Variants in AGPS observed in about 807,000 individuals in gnomAD.
AGPS encodes the protein alkyldihydroxyacetonephosphate synthase, peroxisomal.
A neutral mutation model predicts 90.7 loss-of-function variants in AGPS; 26 were observed. The observed-to-expected ratio is 0.29, with a 90% CI of 0.21 to 0.40. The LOEUF (loss-of-function observed/expected upper bound fraction) is 0.40. AGPS is among the 10% of genes least tolerant of loss of function. The pLI is 1.00. For synonymous variants in AGPS, 294 were observed against 285.3 expected, an observed-to-expected ratio of 1.03 and a Z score of -0.31; for missense variants, 540 against 816.1, an observed-to-expected ratio of 0.66 and a Z score of 4.12.
intron 1 of AGPS, among the ~76,000 whole-genome samples, chr2:177,409,892 T>C (rs1239484207): frequency 2.0e-5 from 3 of 152,354 alleles, no homozygotes; most frequent in Non-Finnish European, 4.4e-5. Context: ...CAGGGGATTA[T>C]TTCTTTGGCA....
chr2:177,508,479 A>C (rs75605222), intron 16 of AGPS, among the ~76,000 whole-genome samples: 2,391 of 152,292 alleles, frequency 0.016, 33 homozygotes, highest in Non-Finnish European at 0.02. Context: ...TTATAAAGGA[A>C]ATTTAGTTTA....
In AGPS at chr2:177,417,276, A is replaced by G. The variant is rs1309814098; in HGVS notation, c.261-2993A>G. 3.9e-5 allele frequency among the ~76,000 whole-genome samples: 6 copies of G among 152,226 alleles called. No individual in the cohort carries two copies. The East Asian group carries it at 1.2e-3, about 29-fold the overall frequency. ...CAAACTCTGTTTCATGCACAAAACC[A>G]TTAAAAATATTGTATAAAATTACCT... On this transcript the variant is annotated intron_variant, in intron 1 of 19. Transcript: ENST00000264167.
intron 16 of AGPS, among the ~76,000 whole-genome samples, chr2:177,511,605 A>G (rs570850449): frequency 8.5e-5 from 13 of 152,314 alleles, no homozygotes; most frequent in South Asian, 8.3e-4. Context: ...AGGTAATCCA[A>G]TGATGTAAAA....
At chr2:177,403,534 T>C (rs1422094058) in intron 1 of AGPS, among the ~76,000 whole-genome samples, 3 of 152,180 alleles carry the variant, frequency 2.0e-5, no homozygotes, top group African/African-American at 7.2e-5. Context: ...AGGAGCTGAA[T>C]GTCTGGCAGT....
At chr2:177,408,645 T>G (rs900828460) in intron 1 of AGPS, among the ~76,000 whole-genome samples, 7 of 152,244 alleles carry the variant, frequency 4.6e-5, no homozygotes, top group Non-Finnish European at 1.5e-5. Flanking sequence ...GCCCATTGTT[T>G]TCTTGCGGAA....
intron 2 of AGPS, among the ~76,000 whole-genome samples, chr2:177,424,559 C>T (rs929265623): frequency 5.3e-5 from 8 of 151,916 alleles, no homozygotes; most frequent in African/African-American, 1.9e-4. Flanking sequence ...AATCTTGAAA[C>T]AGAAAGCAAT....
At chr2:177,484,266 A>G (rs1312326768) in intron 11 of AGPS, among the ~76,000 whole-genome samples, 3 of 152,070 alleles carry the variant, frequency 2.0e-5, no homozygotes, top group Admixed American at 6.6e-5. Flanking sequence ...GGAAAATTCC[A>G]TCCCCTGCTT....
intron 19 of AGPS, among the ~76,000 whole-genome samples, chr2:177,529,532 T>C: frequency 6.6e-6 from 1 of 152,164 alleles, no homozygotes; most frequent in South Asian, 2.1e-4. Flanking sequence ...TAACATTTGG[T>C]AACTAGGCCT....
intron 19 of AGPS, among the ~76,000 whole-genome samples, chr2:177,527,707 C>G (rs568746372): frequency 1.3e-5 from 2 of 152,144 alleles, no homozygotes; most frequent in Admixed American, 1.3e-4. Flanking sequence ...TTTTCAGGTT[C>G]TAGGTTTATA....
intron 12 of AGPS, among the ~76,000 whole-genome samples, chr2:177,494,125 C>T (rs1688346576): frequency 6.6e-6 from 1 of 152,062 alleles, no homozygotes; most frequent in Non-Finnish European, 1.5e-5. Flanking sequence ...CAAAACAATT[C>T]CTAAAATCAT....
rs1166677623 is a variant in AGPS, at chr2:177,539,990, T to C, written c.*1795T>C. 1.1e-5 allele frequency: 1 copy of C among 87,532 alleles called. No homozygotes were observed. The highest frequency in any genetic ancestry group is 4.0e-5 in the African/African-American group (1 of 24,768). The allele number at this position is 87,532 out of a possible 1,614,324, so 5.4% of individuals were successfully genotyped here. A position where few individuals can be genotyped will look rare whatever the true frequency, so the allele number is the denominator to read the frequency against. On this transcript the variant is annotated 3_prime_UTR_variant, in exon 20 of 20. Coordinates refer to ENST00000264167, the MANE Select transcript of AGPS (RefSeq NM_003659.4). ...TCACGAAGGTAATTTCTTTAATTGGTGATCAAAATATAAAATTAAGGTACT... is the reference window on the plus strand; with the variant it reads ...TCACGAAGGTAATTTCTTTAATTGGCGATCAAAATATAAAATTAAGGTACT...
chr2:177,526,450 G>A (rs753209644), intron 19 of AGPS, among the ~76,000 whole-genome samples: 10 of 151,958 alleles, frequency 6.6e-5, no homozygotes, highest in East Asian at 5.8e-4. Flanking sequence ...GGCTGGTCTC[G>A]AACTCCTGAT....
At chr2:177,491,928 G>A (rs999989274) in intron 11 of AGPS, among the ~76,000 whole-genome samples, 12 of 151,930 alleles carry the variant, frequency 7.9e-5, no homozygotes, top group Admixed American at 6.6e-4. Context: ...TGGGATTATA[G>A]GTGTATACCA....
chr2:177,454,548 T>C (rs1027429642), intron 8 of AGPS, among the ~76,000 whole-genome samples: 1 of 151,428 alleles, frequency 6.6e-6, no homozygotes. Context: ...TGGGGTGTTT[T>C]CCCGCTTCTT....
intron 19 of AGPS, 38 bp from the exon 20 acceptor site, chr2:177,538,036 T>C (rs2079199363): frequency 1.2e-6 from 2 of 1,611,450 alleles, no homozygotes; most frequent in Non-Finnish European, 1.7e-6. Flanking sequence ...CCCAGTATCA[T>C]AGCATATATT....
chr2:177,432,865 C>G (rs1686284898), intron 2 of AGPS, among the ~76,000 whole-genome samples: 1 of 152,182 alleles, frequency 6.6e-6, no homozygotes, highest in Non-Finnish European at 1.5e-5. Flanking sequence ...CTGGTATGTG[C>G]TGAGATCACA....
chr2:177,467,008 A>G (rs998070209), intron 9 of AGPS, among the ~76,000 whole-genome samples: 2 of 151,748 alleles, frequency 1.3e-5, no homozygotes, highest in South Asian at 4.2e-4. Flanking sequence ...CCAACTAGGA[A>G]GGGGGTGGGG....
intron 8 of AGPS, among the ~76,000 whole-genome samples, chr2:177,455,226 C>T (rs1272004678): frequency 1.3e-5 from 2 of 152,156 alleles, no homozygotes; most frequent in Non-Finnish European, 2.9e-5. Context: ...TCTCCAGGCA[C>T]CTCTCTTTGT....
chr2:177,528,187 A>G (rs1023593897), intron 19 of AGPS, among the ~76,000 whole-genome samples: 4 of 152,218 alleles, frequency 2.6e-5, no homozygotes, highest in African/African-American at 9.7e-5. Context: ...TCAAAAGATA[A>G]CACCTCTATA....
Sources: allele counts gnomAD v4.1 joint callset (sites outside exome capture counted in the v4.1 genomes callset), GRCh38; gene constraint gnomAD v4.1.1; transcripts MANE v1.5; gene names NCBI Gene and HGNC (gene_info 2026-07-23, HGNC 2026-07-21).